Variants in HDX observed in about 807,000 individuals in gnomAD.
HDX encodes the protein chromosome X open reading frame 43.
HDX carries 19 observed loss-of-function variants against 45.2 expected under a neutral mutation model. The ratio of observed to expected loss-of-function variants is 0.42; its 90% CI spans 0.29 to 0.62. The LOEUF (loss-of-function observed/expected upper bound fraction) is 0.62, where lower values mean the gene tolerates loss of function less well. Among genes scored for constraint, HDX ranks in the 20% least tolerant of loss-of-function variants. The pLI is 0.20. For missense variants in HDX, 532 were observed against 493.9 expected (o/e 1.08, Z -0.73); for synonymous variants, 188 against 172.8 (o/e 1.09, Z -0.69).
intron 5 of HDX, among the ~76,000 whole-genome samples, chrX:84,426,727 T>C (rs1164411119): frequency 1.8e-5 from 2 of 110,633 alleles, no homozygotes; most frequent in East Asian, 5.7e-4. Flanking sequence ...ATCTAATGTA[T>C]AGCATGGTGA....
At chrX:84,482,823 C>T (rs953586620) in intron 2 of HDX, among the ~76,000 whole-genome samples, 6 of 111,818 alleles carry the variant, frequency 5.4e-5, no homozygotes, top group African/African-American at 2.0e-4. Flanking sequence ...CAAGGCAAGT[C>T]GCTTCCGCCT....
At chrX:84,391,450 T>A (rs150947771) in intron 5 of HDX, among the ~76,000 whole-genome samples, 3,001 of 111,517 alleles carry the variant, frequency 0.027, 115 homozygotes, top group African/African-American at 0.091. Context: ...GTGATTTCTC[T>A]TGGATAAATA....
intron 7 of HDX, among the ~76,000 whole-genome samples, chrX:84,342,552 A>T (rs924126334): frequency 3.7e-5 from 4 of 109,315 alleles, no homozygotes; most frequent in Admixed American, 9.9e-5. Context: ...AGAGAGAGAG[A>T]GTGTGTGTGT....
At chrX:84,376,253 G>A (rs145712204) in intron 5 of HDX, among the ~76,000 whole-genome samples, 63 of 112,492 alleles carry the variant, frequency 5.6e-4, no homozygotes, top group African/African-American at 1.9e-3. Flanking sequence ...TACGCCAAGG[G>A]TCTTGGGTGA....
In HDX at chrX:84,440,669, T is replaced by A; in HGVS notation, c.1252-84A>T. The A allele has an allele frequency of 5.3e-6, 3 of 562,635 alleles. No homozygotes were observed. The South Asian group carries it at 8.9e-5, about 17-fold the overall frequency. The allele number at this position is 562,635 out of a possible 1,213,427, so 46.4% of individuals were successfully genotyped here. On this transcript the variant is annotated intron_variant, in intron 4 of 10. Transcript: ENST00000373177. ...GATCAACACCAAAGATTTCACACACTATTTCAAGATAAATCTGCATTCAGA... is the reference window on the plus strand; with the variant it reads ...GATCAACACCAAAGATTTCACACACAATTTCAAGATAAATCTGCATTCAGA...
intron 6 of HDX, among the ~76,000 whole-genome samples, chrX:84,349,752 A>G (rs1211559442): frequency 9.3e-6 from 1 of 106,959 alleles, no homozygotes; most frequent in Non-Finnish European, 1.9e-5. Flanking sequence ...GAATAAAATC[A>G]TGTCTTTTGT....
chrX:84,405,663 T>C (rs1196831468), intron 5 of HDX, among the ~76,000 whole-genome samples: 1 of 85,171 alleles, frequency 1.2e-5, no homozygotes, highest in Non-Finnish European at 2.4e-5. Context: ...TATATATATA[T>C]ATGTGTGTGT....
At chrX:84,456,382 A>G (rs999285720) in intron 4 of HDX, among the ~76,000 whole-genome samples, 4 of 111,681 alleles carry the variant, frequency 3.6e-5, no homozygotes, top group African/African-American at 9.8e-5. Flanking sequence ...TAAAAAGCAT[A>G]CAATGGATAC....
chrX:84,402,868 C>T (rs2038737937), intron 5 of HDX, among the ~76,000 whole-genome samples: 1 of 111,215 alleles, frequency 9.0e-6, no homozygotes. Flanking sequence ...TTAGCCATTA[C>T]AGTAGGTTGA....
chrX:84,340,785 G>C (rs1204177526), intron 7 of HDX, among the ~76,000 whole-genome samples: 1 of 111,231 alleles, frequency 9.0e-6, no homozygotes, highest in Non-Finnish European at 1.9e-5. Flanking sequence ...AGGTTACCAT[G>C]CAGCTGTGGA....
intron 2 of HDX, among the ~76,000 whole-genome samples, chrX:84,478,022 G>A (rs2040592320): frequency 8.9e-6 from 1 of 112,074 alleles, no homozygotes; most frequent in East Asian, 2.8e-4. Flanking sequence ...TAATTTCCAT[G>A]AATATCCATT....
intron 5 of HDX, among the ~76,000 whole-genome samples, chrX:84,439,388 G>A (rs1390738269): frequency 9.3e-6 from 1 of 108,001 alleles, no homozygotes; most frequent in Non-Finnish European, 1.9e-5. Context: ...TTTTTTTGTT[G>A]TGCAGAAGCT....
intron 5 of HDX, among the ~76,000 whole-genome samples, chrX:84,404,273 A>T (rs540670979): frequency 9.0e-6 from 1 of 111,571 alleles, no homozygotes; most frequent in East Asian, 2.8e-4. Context: ...AAACTATTAC[A>T]TTGTGAAACA....
chrX:84,321,651 AT>A lies in HDX; in HGVS notation c.*237del, dbSNP rs746708368. ...GTTAAACTGCTGAAACTTAAATATA[AT>A]TTTTTTCCAGAGTTCCATCAGTTAA... is the stretch of plus-strand genomic sequence containing the variant. On this transcript the variant is annotated 3_prime_UTR_variant, in exon 11 of 11. Coordinates refer to ENST00000373177, the MANE Select transcript of HDX (RefSeq NM_001177479.2). 7.8e-4 allele frequency: 164 copies of A among 209,012 alleles called. No individual in the cohort carries two copies. The highest frequency in any genetic ancestry group is 4.3e-3 in the African/African-American group (148 of 34,072). The allele number at this position is 209,012 out of a possible 1,213,427, so 17.2% of individuals were successfully genotyped here. A position where few individuals can be genotyped will look rare whatever the true frequency, so the allele number is the denominator to read the frequency against.
intron 1 of HDX, among the ~76,000 whole-genome samples, chrX:84,498,661 A>G (rs1165295472): frequency 8.9e-6 from 1 of 112,152 alleles, no homozygotes; most frequent in Non-Finnish European, 1.9e-5. Context: ...TGTTTTTAAA[A>G]TGTATTTTAT....
chrX:84,351,228 CAT>C (rs2037351577), intron 6 of HDX, among the ~76,000 whole-genome samples: 1 of 111,202 alleles, frequency 9.0e-6, no homozygotes, highest in Non-Finnish European at 1.9e-5. Flanking sequence ...AAGGGCTCAT[CAT>C]CACCTCTAAG....
intron 5 of HDX, among the ~76,000 whole-genome samples, chrX:84,385,912 T>C (rs1366094830): frequency 9.9e-6 from 1 of 101,125 alleles, no homozygotes; most frequent in Non-Finnish European, 2.0e-5. Context: ...GTGGTGGTTG[T>C]GGGCATCCTT....
Position 84,344,388 on chromosome X carries a change from G to C in HDX, c.1522C>G (p.Pro508Ala). The change falls in exon 7 of 11, where the codon CCT becomes GCT. Residue 508 changes from proline (P) to alanine (A), a missense_variant. Pro to Ala is a conservative substitution (Grantham distance 27). Coordinates refer to ENST00000373177, the MANE Select transcript of HDX (RefSeq NM_001177479.2). ...TCAGGCTGCTCAGAGAAATCAGCAG[G>C]GCCTCCTCTTGGAGGTGGAACTTCA... ...GIEVPPPRGG[P>A]ADFSEQPESG... 3 of 1,205,327 alleles carry C rather than the reference G, an allele frequency of 2.5e-6. No individual in the cohort carries two copies. In the East Asian group the frequency reaches 8.9e-5, roughly 36 times the overall value.
At chrX:84,353,751 T>TGTGAGTGGGTATCATAAAA (rs1273734038) in intron 6 of HDX, among the ~76,000 whole-genome samples, 1 of 111,614 alleles carries the variant, frequency 9.0e-6, no homozygotes, top group Non-Finnish European at 1.9e-5. Context: ...CTTTTACTAA[T>TGTGAGTGGGTATCATAAAA]GTGAGTGGGT....
Sources: gnomAD v4.1 joint callset for allele counts (sites outside exome capture counted in the v4.1 genomes callset) on GRCh38, gnomAD v4.1.1 for gene constraint, MANE v1.5 for transcripts, NCBI Gene and HGNC (gene_info 2026-07-23, HGNC 2026-07-21) for gene names.